The following TFAP2A variants were observed in gnomAD, a reference collection of about 807,000 sequenced individuals.
TFAP2A encodes the protein transcription factor AP-2 alpha.
In TFAP2A, 7 loss-of-function variants were observed where a neutral mutation model predicts 41.5. The observed-to-expected ratio is 0.17, with a 90% CI of 0.10 to 0.32. The LOEUF is 0.32. Among genes scored for constraint, TFAP2A ranks in the 10% least tolerant of loss-of-function variants. The probability of loss-of-function intolerance (pLI) is 1.00; values close to 1 mark genes in which losing one functional copy is unlikely to be tolerated. For missense variants in TFAP2A, 416 were observed against 563.3 expected, an observed-to-expected ratio of 0.74 and a Z score of 2.65; for synonymous variants, 247 against 242.8, an observed-to-expected ratio of 1.02 and a Z score of -0.16.
intron 6 of TFAP2A, among the ~76,000 whole-genome samples, chr6:10,399,579 G>A (rs1761926190): frequency 6.6e-6 from 1 of 152,200 alleles, no homozygotes; most frequent in African/African-American, 2.4e-5. Flanking sequence ...GGGGGGCTGG[G>A]GAGGGGGATG....
rs1474857437 is a variant in TFAP2A at position 10,404,489 on chromosome 6, G to GGGCCGTGCCGGGCCT, written c.770+4_770+18dup. 4 of 1,541,068 alleles carry GGGCCGTGCCGGGCCT rather than the reference G, an allele frequency of 2.6e-6. No homozygotes were observed. Among genetic ancestry groups the GGGCCGTGCCGGGCCT allele is most frequent in the Non-Finnish European group, 3.5e-6 (4 of 1,143,280 alleles). On this transcript the variant is annotated intron_variant, in intron 4 of 6. Transcript: ENST00000379613. The stretch of plus-strand genomic sequence containing the variant: ...CCCCGGCCGCGGGGCGGGGCGGGCG[G>GGGCCGTGCCGGGCCT]GGCCGTGCCGGGCCTCACCTCCGGA...
Position 10,398,261 on chromosome 6 carries a change from CG to C in TFAP2A, c.*155del. 7 of 1,543,784 alleles carry C rather than the reference CG, an allele frequency of 4.5e-6. No homozygotes were observed. The highest frequency in any genetic ancestry group is 2.3e-4 in the Middle Eastern group (1 of 4,444). On this transcript the variant is annotated 3_prime_UTR_variant, in exon 7 of 7. Coordinates refer to ENST00000379613, the MANE Select transcript of TFAP2A (RefSeq NM_001372066.1). This position sits in a 1 kb window ranked among gnomAD's most constrained non-coding sequence, Gnocchi z 5.3. ...AGTCGAGAGGGCAGTCCCGGAGACT[CG>C]GGGGGACCCAAGGGCAGCGGCGGCG...
At chr6:10,412,019 C>T (rs1757993320) in intron 1 of TFAP2A, 5 of 1,062,358 alleles carry the variant, frequency 4.7e-6, no homozygotes, top group Non-Finnish European at 5.7e-6. Flanking sequence ...CTGGAGCCTC[C>T]TAATAGCAGA....
chr6:10,411,937 A>C, intron 1 of TFAP2A: 3 of 1,151,628 alleles, frequency 2.6e-6, no homozygotes, highest in African/African-American at 1.6e-5. Flanking sequence ...CGTGTTCCTT[A>C]ATCCGTGTCT....
At chr6:10,416,474 G>A (rs577662816), upstream of TFAP2A, 15 of 151,584 alleles carry the variant, frequency 9.9e-5, no homozygotes, top group African/African-American at 3.6e-4. Context: ...AGGAAATACA[G>A]AGTAATTAAT....
At chr6:10,404,161 C>T (rs1220047617) in intron 4 of TFAP2A, among the ~76,000 whole-genome samples, 1 of 152,206 alleles carries the variant, frequency 6.6e-6, no homozygotes, top group Non-Finnish European at 1.5e-5. Flanking sequence ...TGTACGGCGC[C>T]CCGCGGCTGC....
intron 1 of TFAP2A, chr6:10,411,772 A>T: frequency 6.8e-7 from 1 of 1,465,584 alleles, no homozygotes; most frequent in Non-Finnish European, 9.0e-7. Flanking sequence ...GCTCGGATCC[A>T]TCCGAACTTG....
intron 5 of TFAP2A, 132 bp from the exon 6 acceptor site, chr6:10,400,721 A>G: frequency 9.5e-7 from 1 of 1,055,202 alleles, no homozygotes; most frequent in Non-Finnish European, 1.4e-6. Context: ...TTGTTTTCTC[A>G]TTTCAGGCAT....
rs1761787571 is a variant in TFAP2A at position 10,397,002 on chromosome 6, T to G, written c.*1415A>C. On this transcript the variant is annotated 3_prime_UTR_variant, in exon 7 of 7. Transcript: ENST00000379613. ...TAAAAAATACTGCCAAGAACAAAAA[T>G]ACGCCTGGGTAAAGACAGCCACTGA... 6.6e-6 allele frequency: 1 copy of G among 152,406 alleles called. No homozygotes were observed. The highest frequency in any genetic ancestry group is 2.1e-4 in the South Asian group (1 of 4,816). The allele number at this position is 152,406 out of a possible 1,614,324, so 9.4% of individuals were successfully genotyped here.
At chr6:10,403,494 G>T (rs979258747) in intron 4 of TFAP2A, among the ~76,000 whole-genome samples, 3 of 152,316 alleles carry the variant, frequency 2.0e-5, no homozygotes, top group Non-Finnish European at 4.4e-5. Context: ...TCCAAAAAAT[G>T]ATCTTTATAG....
chr6:10,414,819 T>C, intron 1 of TFAP2A, 122 bp downstream of exon 1: 2 of 1,341,642 alleles, frequency 1.5e-6, no homozygotes, highest in South Asian at 2.3e-5. Flanking sequence ...GGACGGGCGC[T>C]GCGCTGGGGA....
At chr6:10,416,623 C>A (rs1370650765), upstream of TFAP2A, among the ~76,000 whole-genome samples, 2 of 152,168 alleles carry the variant, frequency 1.3e-5, no homozygotes, top group Non-Finnish European at 2.9e-5. Context: ...TTCATCTGGG[C>A]TTGTTTCTCG....
rs763561292 is a variant in TFAP2A, at chr6:10,410,341, AGAGAGC to A, written c.52-12_52-7del. ...CTGGTGCCGTCGTGACGGTCCTAGA[AGAGAGC>A]GAGAGGAAAGGTAAAGAACAAGGAA... On this transcript the variant is annotated splice_polypyrimidine_tract_variant and splice_region_variant and intron_variant, in intron 1 of 6. Coordinates refer to ENST00000379613, the MANE Select transcript of TFAP2A (RefSeq NM_001372066.1). 1.2e-6 allele frequency: 2 copies of A among 1,607,156 alleles called. No homozygotes were observed. The highest frequency in any genetic ancestry group is 2.2e-5 in the South Asian group (2 of 90,574).
intron 4 of TFAP2A, among the ~76,000 whole-genome samples, chr6:10,403,072 G>A (rs1757491119): frequency 6.6e-6 from 1 of 152,204 alleles, no homozygotes; most frequent in Admixed American, 6.5e-5. Flanking sequence ...TCTGGCTCTA[G>A]CCCCAAAGGG....
intron 1 of TFAP2A, chr6:10,412,112 C>A (rs1757996784): frequency 2.0e-6 from 2 of 994,268 alleles, no homozygotes; most frequent in Non-Finnish European, 2.4e-6. Flanking sequence ...AGGCAACTCG[C>A]GCCGGAGCCG....
chr6:10,409,847 G>A (rs1380797450), intron 2 of TFAP2A, 54 bp downstream of exon 2: 24 of 1,535,846 alleles, frequency 1.6e-5, no homozygotes, highest in Non-Finnish European at 2.0e-5. Context: ...TCCTTTCTGG[G>A]GTAGGTAAGT....
rs868777552 is a variant in TFAP2A, at chr6:10,398,090, A to C, written c.*327T>G. The stretch of plus-strand genomic sequence containing the variant: ...TTGATTTGTTGTTTTGTTTAAAAAA[A>C]AAAGGGTTCACAAACTTGGCAGAAC... On this transcript the variant is annotated 3_prime_UTR_variant, in exon 7 of 7. Transcript: ENST00000379613. This position sits in a 1 kb window ranked among gnomAD's most constrained non-coding sequence, Gnocchi z 5.3. 1.7e-6 allele frequency: 2 copies of C among 1,204,066 alleles called. No homozygotes were observed. The highest frequency in any genetic ancestry group is 2.1e-6 in the Non-Finnish European group (2 of 967,240). The allele number at this position is 1,204,066 out of a possible 1,614,324, so 74.6% of individuals were successfully genotyped here. A position where few individuals can be genotyped will look rare whatever the true frequency, so the allele number is the denominator to read the frequency against.
upstream of TFAP2A, chr6:10,419,376 C>T: frequency 6.2e-7 from 1 of 1,606,852 alleles, no homozygotes; most frequent in African/African-American, 1.3e-5. Context: ...CCCTACTCCA[C>T]CCCTGCCCAC....
chr6:10,412,402 G>A (rs1758017240), intron 1 of TFAP2A: 2 of 456,652 alleles, frequency 4.4e-6, no homozygotes, highest in African/African-American at 4.3e-5. Context: ...GGGCGAGGGA[G>A]AGGAGCCCCG....
Sources: gnomAD v4.1 joint callset for allele counts (sites outside exome capture counted in the v4.1 genomes callset) on GRCh38, gnomAD v4.1.1 for gene constraint, Gnocchi (gnomAD v3.1) non-coding constraint, MANE v1.5 for transcripts, NCBI Gene and HGNC (gene_info 2026-07-23, HGNC 2026-07-21) for gene names.